The following DNAAF9 variants were observed in gnomAD, a reference collection of about 807,000 sequenced individuals.
DNAAF9 encodes the protein dynein axonemal assembly factor 9, also known as shulin.
DNAAF9 carries 90 observed loss-of-function variants against 167.0 expected under a neutral mutation model. The observed-to-expected ratio is 0.54, with a 90% CI of 0.45 to 0.64. The LOEUF is 0.64. Ranked by LOEUF, DNAAF9 falls within the 30% of genes least tolerant of loss-of-function variation. The pLI is 0.00. For synonymous variants in DNAAF9, 491 were observed against 508.8 expected, an observed-to-expected ratio of 0.96 and a Z score of 0.47; for missense variants, 1,315 against 1,442.2, an observed-to-expected ratio of 0.91 and a Z score of 1.43.
In DNAAF9 at chr20:3,316,180, C is replaced by A. The variant is rs554109626; in HGVS notation, c.1540-395G>T. Reference sequence around the variant, plus strand: ...TCGGTCTTCCCTGTCTGTGTGGGAACTGTAGAAGCAGAATGTGAGCACTCT... The same window carrying A: ...TCGGTCTTCCCTGTCTGTGTGGGAAATGTAGAAGCAGAATGTGAGCACTCT... On this transcript the variant is annotated intron_variant, in intron 18 of 36. Transcript: ENST00000252032. The A allele has an allele frequency of 1.7e-5, 4 of 229,498 alleles. No individual in the cohort carries two copies. In the East Asian group the frequency reaches 4.4e-4, roughly 25 times the overall value. 14.2% of individuals were successfully genotyped at this position (229,498 alleles called of 1,614,324 possible). A position where few individuals can be genotyped will look rare whatever the true frequency, so the allele number is the denominator to read the frequency against.
chr20:3,380,644 A>G (rs1406710885), intron 3 of DNAAF9, among the ~76,000 whole-genome samples: 1 of 152,198 alleles, frequency 6.6e-6, no homozygotes, highest in Non-Finnish European at 1.5e-5. Flanking sequence ...ACACATAGCA[A>G]TATTATTTCA....
intron 6 of DNAAF9, among the ~76,000 whole-genome samples, chr20:3,371,980 A>G (rs1035789299): frequency 2.0e-5 from 3 of 152,152 alleles, no homozygotes; most frequent in African/African-American, 4.8e-5. Flanking sequence ...ATCTATATCG[A>G]TGACTCAGTT....
At chr20:3,350,534 A>G (rs1465400123) in intron 7 of DNAAF9, among the ~76,000 whole-genome samples, 1 of 152,184 alleles carries the variant, frequency 6.6e-6, no homozygotes, top group Non-Finnish European at 1.5e-5. Context: ...TACTGAAGAG[A>G]TTTAGAAACA....
At chr20:3,253,293 T>C (rs1487543729) in intron 36 of DNAAF9, among the ~76,000 whole-genome samples, 1 of 152,052 alleles carries the variant, frequency 6.6e-6, no homozygotes, top group African/African-American at 2.4e-5. Flanking sequence ...AATACAAAAT[T>C]AGCCGGGCAC....
chr20:3,337,447 T>TG (rs2069985048), intron 10 of DNAAF9, among the ~76,000 whole-genome samples: 2 of 150,492 alleles, frequency 1.3e-5, no homozygotes. Flanking sequence ...TTTGTTTTTT[T>TG]TTTTTTTGGT....
intron 16 of DNAAF9, among the ~76,000 whole-genome samples, chr20:3,321,621 T>G (rs1394285505): frequency 6.6e-6 from 1 of 152,214 alleles, no homozygotes; most frequent in Admixed American, 6.5e-5. Flanking sequence ...CAGGCTGGAG[T>G]GCAGTGGTGC....
At chr20:3,348,114 T>G (rs2070232631) in intron 8 of DNAAF9, among the ~76,000 whole-genome samples, 1 of 152,124 alleles carries the variant, frequency 6.6e-6, no homozygotes, top group South Asian at 2.1e-4. Context: ...TGTGTCTTGG[T>G]TGTCAATCTA....
At chr20:3,341,474 T>G (rs993473466) in intron 9 of DNAAF9, among the ~76,000 whole-genome samples, 2 of 152,152 alleles carry the variant, frequency 1.3e-5, no homozygotes, top group Non-Finnish European at 2.9e-5. Flanking sequence ...CCTCCTCTCC[T>G]CTGTGATGAT....
In DNAAF9 at chr20:3,252,729, G is replaced by A. The variant is rs746739419; in HGVS notation, c.3422-45C>T. On this transcript the variant is annotated intron_variant, in intron 36 of 36. Transcript: ENST00000252032. ...GAGAGCTCTGAGCCTGGAGGACAAG[G>A]GAGGCTGCCTGAGCCCAGAGCGGCC... 4 of 1,213,262 alleles carry A rather than the reference G, an allele frequency of 3.3e-6. No individual in the cohort carries two copies. The African/African-American group carries it at 4.5e-5, about 14-fold the overall frequency. The allele number at this position is 1,213,262 out of a possible 1,614,324, so 75.2% of individuals were successfully genotyped here. A position where few individuals can be genotyped will look rare whatever the true frequency, so the allele number is the denominator to read the frequency against.
At chr20:3,401,244 T>G (rs1276867625) in intron 1 of DNAAF9, among the ~76,000 whole-genome samples, 1 of 152,110 alleles carries the variant, frequency 6.6e-6, no homozygotes, top group Non-Finnish European at 1.5e-5. Flanking sequence ...CTTACTCTGT[T>G]GCCCAGGCTG....
intron 8 of DNAAF9, 125 bp from the exon 9 acceptor site, chr20:3,343,856 TGTGC>T (rs768141259): frequency 3.6e-5 from 23 of 631,124 alleles, no homozygotes; most frequent in South Asian, 1.1e-4. Flanking sequence ...TGTGTGTGTG[TGTGC>T]GTGTGTGCAT....
chr20:3,294,112 C>T, intron 25 of DNAAF9, 27 bp downstream of exon 25: 3 of 1,237,324 alleles, frequency 2.4e-6, no homozygotes, highest in South Asian at 1.2e-5. Flanking sequence ...CCTGTGAATT[C>T]CCAGCATATC....
intron 6 of DNAAF9, among the ~76,000 whole-genome samples, chr20:3,364,744 C>T (rs981890885): frequency 1.3e-5 from 2 of 152,010 alleles, no homozygotes; most frequent in African/African-American, 4.8e-5. Flanking sequence ...CTAAAAAATG[C>T]GAACAATCAA....
chr20:3,332,458 C>A (rs978420135), intron 10 of DNAAF9, 97 bp from the exon 11 acceptor site: 1 of 470,434 alleles, frequency 2.1e-6, no homozygotes, highest in Non-Finnish European at 3.8e-6. Flanking sequence ...AATAAATTTT[C>A]TTTTTTTTTT....
intron 29 of DNAAF9, 152 bp from the exon 30 acceptor site, chr20:3,270,714 G>A (rs1467599204): frequency 8.3e-6 from 5 of 600,054 alleles, no homozygotes; most frequent in Non-Finnish European, 1.5e-5. Flanking sequence ...AACATAAACA[G>A]CTATCATTCT....
chr20:3,368,067 A>G (rs2083452751), intron 6 of DNAAF9, among the ~76,000 whole-genome samples: 3 of 151,614 alleles, frequency 2.0e-5, no homozygotes, highest in South Asian at 2.1e-4. Context: ...ATCCTTTCAG[A>G]TAGGTTTCTC....
chr20:3,341,779 T>C (rs116135508), intron 9 of DNAAF9, among the ~76,000 whole-genome samples: 22 of 152,292 alleles, frequency 1.4e-4, no homozygotes, highest in Admixed American at 3.9e-4. Context: ...GATGATAATA[T>C]ATATACATAT....
intron 8 of DNAAF9, among the ~76,000 whole-genome samples, chr20:3,346,487 T>C (rs779178323): frequency 4.0e-5 from 6 of 151,350 alleles, no homozygotes; most frequent in Non-Finnish European, 7.4e-5. Flanking sequence ...AAGATCCCAA[T>C]GAACTGACTT....
At chr20:3,253,563 C>T (rs1346962232) in intron 36 of DNAAF9, among the ~76,000 whole-genome samples, 163 bp downstream of exon 36, 1 of 152,190 alleles carries the variant, frequency 6.6e-6, no homozygotes, top group Non-Finnish European at 1.5e-5. Context: ...AAGTTCGCCC[C>T]TGAGGTTTGC....
Sources: allele counts gnomAD v4.1 joint callset (sites outside exome capture counted in the v4.1 genomes callset), GRCh38; gene constraint gnomAD v4.1.1; transcripts MANE v1.5; gene names NCBI Gene and HGNC (gene_info 2026-07-23, HGNC 2026-07-21).